The following ANKRD28 variants were observed in gnomAD, a reference collection of about 807,000 sequenced individuals.
ANKRD28 encodes the protein ankyrin repeat domain 28.
Under a neutral mutation model 126.5 loss-of-function variants are expected in ANKRD28, and 44 were observed. The observed-to-expected ratio is 0.35, with a 90% CI of 0.27 to 0.45. The LOEUF (loss-of-function observed/expected upper bound fraction) is 0.45. ANKRD28 is among the 20% of genes least tolerant of loss of function. The pLI is 1.00. For missense variants in ANKRD28, 1,110 were observed against 1,316.6 expected (o/e 0.84, Z 2.43); for synonymous variants, 442 against 468.5 (o/e 0.94, Z 0.73).
intron 6 of ANKRD28, among the ~76,000 whole-genome samples, chr3:15,731,374 G>A (rs1228502861): frequency 6.6e-6 from 1 of 152,210 alleles, no homozygotes; most frequent in Non-Finnish European, 1.5e-5. Context: ...TACCATGTAA[G>A]CCTCTTAACG....
intron 3 of ANKRD28, among the ~76,000 whole-genome samples, chr3:15,760,182 G>A (rs536891099): frequency 6.6e-6 from 1 of 152,176 alleles, no homozygotes; most frequent in South Asian, 2.1e-4. Context: ...CACACACTGG[G>A]GCCTATCAGA....
chr3:15,859,088 T>C (rs571804503), intron 1 of ANKRD28, among the ~76,000 whole-genome samples: 2 of 152,154 alleles, frequency 1.3e-5, no homozygotes, highest in South Asian at 4.2e-4. Context: ...GAGGAAGCGA[T>C]TGCCCGGCAG....
At chr3:15,754,452 TA>T (rs780820991) in intron 3 of ANKRD28, among the ~76,000 whole-genome samples, 1 of 152,042 alleles carries the variant, frequency 6.6e-6, no homozygotes, top group African/African-American at 2.4e-5. Context: ...AAAGAAGCAG[TA>T]AAATGCTTCC....
At chr3:15,841,053 G>C (rs752026628) in intron 1 of ANKRD28, among the ~76,000 whole-genome samples, 3 of 152,124 alleles carry the variant, frequency 2.0e-5, no homozygotes, top group Non-Finnish European at 2.9e-5. Context: ...AGGCAGAACT[G>C]CTTGAACCTG....
chr3:15,819,346 G>A (rs921851282), intron 1 of ANKRD28, among the ~76,000 whole-genome samples: 4 of 152,124 alleles, frequency 2.6e-5, no homozygotes, highest in African/African-American at 7.2e-5. Flanking sequence ...AATGGAAGGC[G>A]ACAGAAGAGT....
chr3:15,713,885 G>A (rs1176431626), intron 9 of ANKRD28, among the ~76,000 whole-genome samples: 1 of 152,132 alleles, frequency 6.6e-6, no homozygotes, highest in African/African-American at 2.4e-5. Context: ...GGGTTCTGGG[G>A]TCCAATAAGT....
chr3:15,854,431 G>T lies in ANKRD28; in HGVS notation c.27+4946C>A, dbSNP rs2061718323. ...ACCTAAAATACCTCCCCTGCCATGA[G>T]GGTTTCCCTCCACTTACAATCAGAT... On this transcript the variant is annotated intron_variant, in intron 1 of 27. Transcript: ENST00000399451. The surrounding 1 kb of genome is among the most constrained non-coding windows in gnomAD (Gnocchi z 4.1). Among the ~76,000 whole-genome samples the T allele has an allele frequency of 6.6e-6, 1 of 151,990 alleles. No individual in the cohort carries two copies. Among genetic ancestry groups the T allele is most frequent in the Non-Finnish European group, 1.5e-5 (1 of 68,000 alleles).
At chr3:15,852,449 T>A (rs1490527515) in intron 1 of ANKRD28, among the ~76,000 whole-genome samples, 1 of 152,230 alleles carries the variant, frequency 6.6e-6, no homozygotes, top group Non-Finnish European at 1.5e-5. Context: ...GTTTTAATAT[T>A]ATCTTTGGAC....
Position 15,724,405 on chromosome 3 carries a change from A to G in ANKRD28, c.760T>C (p.Tyr254His). Reference protein sequence around the residue: ...ASSGMISVVKYLLDLGVDMNE... With the variant: ...ASSGMISVVKHLLDLGVDMNE... ...ACATCAACTCCAAGATCTAGAAGGT[A>G]CTTGACTACGCTGATCATTCCACTA... Residue 254 changes from tyrosine (Y) to histidine (H), a missense_variant, in exon 7 of 28, where the codon TAC (tyrosine) becomes CAC (histidine). Physicochemically the swap from Tyr to His is moderately conservative, Grantham distance 83 (BLOSUM62 2). Transcript: ENST00000683139. 1 of 1,607,170 alleles carries G rather than the reference A, an allele frequency of 6.2e-7. No homozygotes were observed. Among genetic ancestry groups the G allele is most frequent in the Non-Finnish European group, 8.5e-7 (1 of 1,176,422 alleles).
Position 15,846,110 on chromosome 3 carries a change from T to A in ANKRD28, c.27+13267A>T, listed in dbSNP as rs2061524771. On this transcript the variant is annotated intron_variant, in intron 1 of 27. Transcript: ENST00000399451. The surrounding 1 kb of genome is among the most constrained non-coding windows in gnomAD (Gnocchi z 5.4). ...TCCAATAGTCTCCCAAAATCTTAAC[T>A]CGTCCCAGCGTTAACTCAGAAATCC... Among the ~76,000 whole-genome samples, 1 of 152,070 alleles carries A rather than the reference T, an allele frequency of 6.6e-6. No homozygotes were observed. Among genetic ancestry groups the A allele is most frequent in the South Asian group, 2.1e-4 (1 of 4,826 alleles).
intron 4 of ANKRD28, among the ~76,000 whole-genome samples, chr3:15,749,580 A>G (rs1344829508): frequency 6.6e-6 from 1 of 152,236 alleles, no homozygotes; most frequent in Admixed American, 6.5e-5. Context: ...TTGTTTTGTC[A>G]TATTACCAGA....
chr3:15,755,109 A>C, intron 3 of ANKRD28, among the ~76,000 whole-genome samples: 1 of 152,210 alleles, frequency 6.6e-6, no homozygotes, highest in East Asian at 1.9e-4. Flanking sequence ...AGCCTGGGCA[A>C]CAAGAGCAAA....
chr3:15,831,789 C>T (rs1242079044), intron 1 of ANKRD28, among the ~76,000 whole-genome samples: 1 of 152,176 alleles, frequency 6.6e-6, no homozygotes, highest in African/African-American at 2.4e-5. Context: ...GAACTAAAAA[C>T]TCTTCCTTCT....
chr3:15,748,676 T>TA (rs1287822616), intron 4 of ANKRD28, among the ~76,000 whole-genome samples: 2 of 152,214 alleles, frequency 1.3e-5, no homozygotes, highest in Admixed American at 1.3e-4. Flanking sequence ...ACCTAGGTGA[T>TA]AATCTTTCTG....
At chr3:15,728,382 C>G (rs1324089113) in intron 6 of ANKRD28, among the ~76,000 whole-genome samples, 3 of 152,160 alleles carry the variant, frequency 2.0e-5, no homozygotes, top group Non-Finnish European at 4.4e-5. Flanking sequence ...TAACCTCAAA[C>G]TCCTAGATTC....
chr3:15,837,558 G>A (rs558437640), intron 1 of ANKRD28, among the ~76,000 whole-genome samples: 5 of 152,136 alleles, frequency 3.3e-5, no homozygotes, highest in South Asian at 2.1e-4. Context: ...GGACTAGAGA[G>A]AAAAATCACA....
chr3:15,752,312 T>C (rs140050787), intron 3 of ANKRD28, among the ~76,000 whole-genome samples: 4 of 152,224 alleles, frequency 2.6e-5, no homozygotes, highest in African/African-American at 9.6e-5. Flanking sequence ...ATAGAAACAA[T>C]GGTTACAGAT....
rs2069293804 is a variant in ANKRD28 at position 15,694,766 on chromosome 3, T to G, written c.1734A>C (p.Arg578Ser). The change falls in exon 17 of 28, where the codon AGA (arginine) becomes AGC (serine). Residue 578 changes from arginine to serine, a missense_variant. Physicochemically the swap from Arg to Ser is moderately radical, Grantham distance 110 (BLOSUM62 -1). Transcript: ENST00000683139. ...GTDMLSDSDN[R>S]ATISPLHLAA... Reference sequence around the variant, plus strand: ...CCAAGTGTAAAGGGCTTATTGTTGCTCTATTATCTGAATCACTCAGCATGT... The same window carrying G: ...CCAAGTGTAAAGGGCTTATTGTTGCGCTATTATCTGAATCACTCAGCATGT... 6.2e-7 allele frequency: 1 copy of G among 1,613,428 alleles called. No homozygotes were observed. The highest frequency in any genetic ancestry group is 1.3e-5 in the African/African-American group (1 of 74,890).
chr3:15,815,688 C>T lies in ANKRD28; in HGVS notation c.28-20382G>A, dbSNP rs2060818635. Among the ~76,000 whole-genome samples the T allele has an allele frequency of 6.6e-6, 1 of 152,094 alleles. No homozygotes were observed. Among genetic ancestry groups the T allele is most frequent in the Non-Finnish European group, 1.5e-5 (1 of 68,006 alleles). The stretch of plus-strand genomic sequence containing the variant: ...TAATTACTATTGTAGTAATTAATGC[C>T]TTCTAAAATGTTAGAAGACATAAAC... On this transcript the variant is annotated intron_variant, in intron 1 of 27. Transcript: ENST00000399451. The surrounding 1 kb of genome is among the most constrained non-coding windows in gnomAD (Gnocchi z 4.1).
Sources: allele counts gnomAD v4.1 joint callset (sites outside exome capture counted in the v4.1 genomes callset), GRCh38; gene constraint gnomAD v4.1.1; non-coding constraint Gnocchi (gnomAD v3.1); transcripts MANE v1.5; gene names NCBI Gene and HGNC (gene_info 2026-07-23, HGNC 2026-07-21).